Variants in ERI1 observed in about 807,000 individuals in gnomAD.
ERI1 encodes exoribonuclease 1.
A neutral mutation model predicts 39.7 loss-of-function variants in ERI1; 39 were observed. The ratio of observed to expected loss-of-function variants is 0.98; its 90% CI spans 0.76 to 1.28. ERI1 has a LOEUF of 1.28. ERI1 is among the 50% of genes most tolerant of loss of function. The pLI is 0.00. For synonymous variants in ERI1, 204 were observed against 149.6 expected (o/e 1.36, Z -2.65); for missense variants, 581 against 416.9 (o/e 1.39, Z -3.43).
Position 9,031,496 on chromosome 8 carries a change from C to T in ERI1, c.*1462C>T, listed in dbSNP as rs573453755. 4 of 152,178 alleles carry T rather than the reference C, an allele frequency of 2.6e-5. No homozygotes were observed. The highest frequency in any genetic ancestry group is 5.9e-5 in the Non-Finnish European group (4 of 68,040). 9.4% of individuals were successfully genotyped at this position (152,178 alleles called of 1,614,324 possible). On this transcript the variant is annotated 3_prime_UTR_variant, in exon 7 of 7. Coordinates refer to ENST00000250263, the MANE Select transcript of ERI1 (RefSeq NM_153332.4). ...AAGTGCTTTAAGTTTATACAGTTAA[C>T]TCTTAGGATAAGAGGGATGTATGCT...
At chr8:9,020,848 C>G (rs1455191680) in intron 6 of ERI1, among the ~76,000 whole-genome samples, 2 of 152,206 alleles carry the variant, frequency 1.3e-5, no homozygotes, top group African/African-American at 2.4e-5. Flanking sequence ...AGTCTTCTGC[C>G]ATAGCCTTCA....
At chr8:9,013,175 C>T (rs562110345) in intron 3 of ERI1, among the ~76,000 whole-genome samples, 80 of 151,950 alleles carry the variant, frequency 5.3e-4, no homozygotes, top group African/African-American at 1.9e-3. Flanking sequence ...TCACCACGCC[C>T]GGCTAATTTT....
Position 9,096,160 on chromosome 8 carries a change from G to C in ERI1, n.300-20188G>C, listed in dbSNP as rs182309731. Among the ~76,000 whole-genome samples the C allele has an allele frequency of 1.9e-3, 285 of 152,336 alleles. 2 individuals are homozygous for C. The highest frequency in any genetic ancestry group is 6.2e-3 in the African/African-American group (258 of 41,584). On this transcript the variant is annotated intron_variant and non_coding_transcript_variant, in intron 3 of 3. Coordinates refer to the ERI1 transcript ENST00000518663. ...TCCATTGCATGGCATTCAGTGCAGA[G>C]CAAACACATTCTATTTGGCTTTAGC... is the stretch of plus-strand genomic sequence containing the variant.
At chr8:9,006,512 A>G (rs1163526806) in intron 1 of ERI1, among the ~76,000 whole-genome samples, 1 of 152,210 alleles carries the variant, frequency 6.6e-6, no homozygotes, top group Non-Finnish European at 1.5e-5. Context: ...GTTGACCTAA[A>G]TTTTAACCTG....
At chr8:9,052,330 CA>C in intron 3 of ERI1, among the ~76,000 whole-genome samples, 1 of 150,134 alleles carries the variant, frequency 6.7e-6, no homozygotes, top group Non-Finnish European at 1.5e-5. Flanking sequence ...TTTTTTTTTC[CA>C]ATAAATCCCC....
intron 6 of ERI1, 116 bp from the exon 7 acceptor site, chr8:9,029,676 C>T: frequency 7.8e-7 from 1 of 1,287,840 alleles, no homozygotes; most frequent in Non-Finnish European, 1.1e-6. Context: ...TGCCCTTTGC[C>T]TAGCTTTATT....
At chr8:9,090,265 G>C (rs546444597) in intron 3 of ERI1, among the ~76,000 whole-genome samples, 1 of 152,146 alleles carries the variant, frequency 6.6e-6, no homozygotes, top group Non-Finnish European at 1.5e-5. Flanking sequence ...CGACAGAGAA[G>C]GGGTGTGGTG....
At chr8:9,058,974 A>G (rs987270566) in intron 3 of ERI1, among the ~76,000 whole-genome samples, 2 of 152,140 alleles carry the variant, frequency 1.3e-5, no homozygotes, top group African/African-American at 4.8e-5. Context: ...AAGGCTGTTT[A>G]TTTCACCTGG....
chr8:9,025,225 C>A (rs951048927), intron 6 of ERI1, among the ~76,000 whole-genome samples: 4 of 152,162 alleles, frequency 2.6e-5, no homozygotes, highest in African/African-American at 7.2e-5. Flanking sequence ...TTCCATGTGG[C>A]ACTCAGACTT....
At chr8:9,037,009 G>A (rs1797868304), downstream of ERI1, among the ~76,000 whole-genome samples, 1 of 152,022 alleles carries the variant, frequency 6.6e-6, no homozygotes, top group Non-Finnish European at 1.5e-5. Flanking sequence ...CCTCACCCCA[G>A]CCTCTGTTAT....
intron 3 of ERI1, among the ~76,000 whole-genome samples, chr8:9,049,487 A>T (rs1006460369): frequency 6.6e-6 from 1 of 151,174 alleles, no homozygotes; most frequent in African/African-American, 2.4e-5. Flanking sequence ...CTGCAACTAG[A>T]CCTTTGGATC....
rs567545927 is a variant in ERI1 at position 9,078,829 on chromosome 8, T to C, written n.300-37519T>C. 1.9e-3 allele frequency among the ~76,000 whole-genome samples: 283 copies of C among 152,330 alleles called. 1 individual carries two copies. The highest frequency in any genetic ancestry group is 3.1e-3 in the Non-Finnish European group (213 of 68,034). On this transcript the variant is annotated intron_variant and non_coding_transcript_variant, in intron 3 of 3. Coordinates refer to the ERI1 transcript ENST00000518663. ...AGAAGATTATCTTTTTTCTCTTCTTTTGTTTTTGTGGGGCCCTTGTCCTAC... is the reference window on the plus strand; with the variant it reads ...AGAAGATTATCTTTTTTCTCTTCTTCTGTTTTTGTGGGGCCCTTGTCCTAC...
intron 2 of ERI1, among the ~76,000 whole-genome samples, chr8:9,009,782 C>A (rs908276838): frequency 2.0e-5 from 3 of 152,138 alleles, no homozygotes; most frequent in Non-Finnish European, 4.4e-5. Flanking sequence ...AAGTGATTCA[C>A]CCCCCTCCCA....
At chr8:9,046,693 C>T (rs568848917) in intron 3 of ERI1, among the ~76,000 whole-genome samples, 1 of 152,216 alleles carries the variant, frequency 6.6e-6, no homozygotes, top group Non-Finnish European at 1.5e-5. Flanking sequence ...AACACCTTTA[C>T]TATTGAGTCT....
intron 3 of ERI1, chr8:9,062,861 C>G (rs947676358): frequency 6.6e-6 from 1 of 152,014 alleles, no homozygotes; most frequent in Admixed American, 6.5e-5. Flanking sequence ...GGGCTGTGGG[C>G]ATTCCTTGGC....
rs1023384639 is a variant in ERI1 at position 9,030,336 on chromosome 8, T to G, written c.*302T>G. The G allele has an allele frequency of 3.3e-6, 1 of 301,398 alleles. No homozygotes were observed. The allele number at this position is 301,398 out of a possible 1,614,324, so 18.7% of individuals were successfully genotyped here. A position where few individuals can be genotyped will look rare whatever the true frequency, so the allele number is the denominator to read the frequency against. On this transcript the variant is annotated 3_prime_UTR_variant, in exon 7 of 7. Transcript: ENST00000250263. The stretch of plus-strand genomic sequence containing the variant: ...TTCTTTTTGGTTTTAAAATGCAAAA[T>G]CTTATTGGCTGTTCTGTTGAATGTC...
intron 3 of ERI1, among the ~76,000 whole-genome samples, chr8:9,012,913 C>T (rs1816817572): frequency 7.3e-6 from 1 of 137,420 alleles, no homozygotes; most frequent in Admixed American, 6.9e-5. Context: ...ATACCATAAC[C>T]TTCAATAAAG....
chr8:9,096,110 A>T (rs569103036), intron 3 of ERI1, among the ~76,000 whole-genome samples: 1 of 152,340 alleles, frequency 6.6e-6, no homozygotes, highest in East Asian at 1.9e-4. Context: ...ACTTTGGGCC[A>T]TTCATGAGGT....
intron 3 of ERI1, among the ~76,000 whole-genome samples, chr8:9,059,761 T>A (rs190602123): frequency 2.3e-3 from 353 of 152,224 alleles, no homozygotes; most frequent in African/African-American, 7.8e-3. Context: ...CCAGGCGATA[T>A]CAGCTGCGAT....
Sources: gnomAD v4.1 joint callset for allele counts (sites outside exome capture counted in the v4.1 genomes callset) on GRCh38, gnomAD v4.1.1 for gene constraint, MANE v1.5 for transcripts, NCBI Gene and HGNC (gene_info 2026-07-23, HGNC 2026-07-21) for gene names.